GRXCR1: variants seen among roughly 807,000 people sequenced by gnomAD.
GRXCR1 encodes glutaredoxin and cysteine rich domain containing 1.
Under a neutral mutation model 27.3 loss-of-function variants are expected in GRXCR1, and 27 were observed. The ratio of observed to expected loss-of-function variants is 0.99; its 90% CI spans 0.73 to 1.37. The LOEUF is 1.37. Among genes scored for constraint, GRXCR1 ranks in the 40% most tolerant of loss-of-function variants. The pLI is 0.00. For missense variants in GRXCR1, 379 were observed against 354.4 expected, an observed-to-expected ratio of 1.07 and a Z score of -0.56; for synonymous variants, 122 against 131.1, an observed-to-expected ratio of 0.93 and a Z score of 0.47.
At chr4:43,015,201 A>G (rs1416945997) in intron 2 of GRXCR1, among the ~76,000 whole-genome samples, 21 of 152,186 alleles carry the variant, frequency 1.4e-4, no homozygotes, top group Admixed American at 1.4e-3. Context: ...CAGGGCTAAG[A>G]ATATTGGTGC....
At chr4:42,969,502 A>C (rs1748331816) in intron 2 of GRXCR1, among the ~76,000 whole-genome samples, 1 of 152,168 alleles carries the variant, frequency 6.6e-6, no homozygotes, top group African/African-American at 2.4e-5. Flanking sequence ...ACTTACAATC[A>C]TGGCAGAAGG....
At chr4:43,004,195 G>A (rs1712475213) in intron 2 of GRXCR1, among the ~76,000 whole-genome samples, 1 of 152,250 alleles carries the variant, frequency 6.6e-6, no homozygotes, top group South Asian at 2.1e-4. Context: ...TCAAGCCTTG[G>A]TGGCATCCAC....
intron 1 of GRXCR1, among the ~76,000 whole-genome samples, chr4:42,942,582 C>T (rs1331073094): frequency 1.3e-5 from 2 of 152,058 alleles, no homozygotes; most frequent in East Asian, 3.9e-4. Flanking sequence ...CACTGCAAGC[C>T]TTCAGGTTTC....
At chr4:42,958,469 T>G (rs7694036) in intron 1 of GRXCR1, among the ~76,000 whole-genome samples, 16,577 of 151,888 alleles carry the variant, frequency 0.11, 1,376 homozygotes, top group African/African-American at 0.24. Context: ...AAAACATAGG[T>G]GAAAACTCCT....
intron 1 of GRXCR1, among the ~76,000 whole-genome samples, chr4:42,915,245 C>T (rs1530827): frequency 0.99 from 149,988 of 152,220 alleles, 73,941 homozygotes; most frequent in Non-Finnish European, 1. Context: ...GTACAGCTTG[C>T]CATCATAGCA....
chr4:42,906,184 C>G (rs1309004033), intron 1 of GRXCR1, among the ~76,000 whole-genome samples: 1 of 152,110 alleles, frequency 6.6e-6, no homozygotes, highest in Non-Finnish European at 1.5e-5. Flanking sequence ...GGCTGGTGAA[C>G]AGTTTTTCAT....
intron 2 of GRXCR1, among the ~76,000 whole-genome samples, chr4:42,990,723 T>C (rs1405161460): frequency 6.6e-6 from 1 of 152,116 alleles, no homozygotes; most frequent in African/African-American, 2.4e-5. Flanking sequence ...TGACCCATAA[T>C]ATGCCTATTA....
intron 1 of GRXCR1, among the ~76,000 whole-genome samples, chr4:42,951,295 C>A (rs180829630): frequency 6.5e-4 from 99 of 152,300 alleles, no homozygotes; most frequent in Non-Finnish European, 1.3e-3. Flanking sequence ...ATGCTCATTA[C>A]ATTGCAAATG....
intron 2 of GRXCR1, among the ~76,000 whole-genome samples, chr4:42,971,690 C>T (rs1748391715): frequency 6.6e-6 from 1 of 152,018 alleles, no homozygotes; most frequent in Non-Finnish European, 1.5e-5. Flanking sequence ...CCAGGTCCCT[C>T]CCATGACCCA....
intron 2 of GRXCR1, among the ~76,000 whole-genome samples, chr4:42,987,428 G>T (rs1305885823): frequency 6.6e-6 from 1 of 151,048 alleles, no homozygotes; most frequent in Non-Finnish European, 1.5e-5. Flanking sequence ...GACCACAAAA[G>T]TGTGCATTAC....
At chr4:42,939,518 G>T (rs1268818632) in intron 1 of GRXCR1, among the ~76,000 whole-genome samples, 1 of 151,902 alleles carries the variant, frequency 6.6e-6, no homozygotes. Flanking sequence ...GATTGCTTTA[G>T]CTAGGACTCC....
rs189532990 is a variant in GRXCR1, at chr4:42,941,546, C to G, written c.385-21346C>G. On this transcript the variant is annotated intron_variant, in intron 1 of 3. Transcript: ENST00000399770. Reference sequence around the variant, plus strand: ...CATTTGTTTTTCAGCTCCTGAAAAACCTTTCAATTTGATTCCCCTGATTTA... The same window carrying G: ...CATTTGTTTTTCAGCTCCTGAAAAAGCTTTCAATTTGATTCCCCTGATTTA... Among the ~76,000 whole-genome samples the G allele has an allele frequency of 7.2e-4, 109 of 152,040 alleles. 1 individual carries two copies. The highest frequency in any genetic ancestry group is 5.0e-3 in the Admixed American group (76 of 15,248).
At chr4:42,967,639 A>G (rs1485774604) in intron 2 of GRXCR1, among the ~76,000 whole-genome samples, 1 of 152,022 alleles carries the variant, frequency 6.6e-6, no homozygotes, top group Non-Finnish European at 1.5e-5. Flanking sequence ...TTTTATGCCT[A>G]CTTGGTAATT....
intron 1 of GRXCR1, among the ~76,000 whole-genome samples, chr4:42,917,121 A>C (rs1232644485): frequency 2.0e-5 from 3 of 152,136 alleles, no homozygotes; most frequent in Non-Finnish European, 4.4e-5. Context: ...GCTTTTATTC[A>C]TTGTCTCCAG....
chr4:42,995,650 C>T (rs1712131312), intron 2 of GRXCR1, among the ~76,000 whole-genome samples: 1 of 152,244 alleles, frequency 6.6e-6, no homozygotes, highest in Non-Finnish European at 1.5e-5. Flanking sequence ...AATGCCAACA[C>T]ATTTGCTGCC....
chr4:42,987,244 A>AT lies in GRXCR1; in HGVS notation c.627+24111dup, dbSNP rs1174430722. ...ATATTATATATTATATATATATAAT[A>AT]TATAATATATATATATAATATATAT... On this transcript the variant is annotated intron_variant, in intron 2 of 3. Coordinates refer to ENST00000399770, the MANE Select transcript of GRXCR1 (RefSeq NM_001080476.3). Among the ~76,000 whole-genome samples, 177 of 79,238 alleles carry AT rather than the reference A, an allele frequency of 2.2e-3. 1 individual carries two copies. The highest frequency in any genetic ancestry group is 8.1e-3 in the African/African-American group (170 of 21,010). The allele number at this position is 79,238 out of a possible 152,430, so 52.0% of individuals were successfully genotyped here.
chr4:43,006,639 A>C (rs1712567678), intron 2 of GRXCR1, among the ~76,000 whole-genome samples: 1 of 152,200 alleles, frequency 6.6e-6, no homozygotes, highest in Admixed American at 6.5e-5. Context: ...TATCAATGAC[A>C]ATGGTGCCCG....
chr4:43,001,810 T>G (rs961336348), intron 2 of GRXCR1, among the ~76,000 whole-genome samples: 1 of 150,448 alleles, frequency 6.6e-6, no homozygotes, highest in Non-Finnish European at 1.5e-5. Context: ...GTTCCCTCAG[T>G]TTTTATTGAT....
intron 2 of GRXCR1, among the ~76,000 whole-genome samples, chr4:43,004,639 T>C (rs1392349339): frequency 6.6e-6 from 1 of 152,184 alleles, no homozygotes; most frequent in African/African-American, 2.4e-5. Flanking sequence ...AAGGAGATTA[T>C]TTTGGAGCTT....
Sources: gnomAD v4.1 joint callset for allele counts (sites outside exome capture counted in the v4.1 genomes callset) on GRCh38, gnomAD v4.1.1 for gene constraint, MANE v1.5 for transcripts, NCBI Gene and HGNC (gene_info 2026-07-23, HGNC 2026-07-21) for gene names.